FNDC3B: variants seen among roughly 807,000 people sequenced by gnomAD.
FNDC3B encodes fibronectin type III domain-containing protein 3B.
Under a neutral mutation model 151.5 loss-of-function variants are expected in FNDC3B, and 12 were observed. The observed-to-expected ratio is 0.08, with a 90% CI of 0.05 to 0.13. FNDC3B has a LOEUF of 0.13. Ranked by LOEUF, FNDC3B falls within the 10% of genes least tolerant of loss-of-function variation. The pLI, the probability that FNDC3B is intolerant of heterozygous loss-of-function variation, is 1.00. For synonymous variants in FNDC3B, 528 were observed against 549.0 expected, an observed-to-expected ratio of 0.96 and a Z score of 0.54; for missense variants, 1,214 against 1,505.3, an observed-to-expected ratio of 0.81 and a Z score of 3.20.
chr3:172,145,916 C>T (rs1576906761), intron 3 of FNDC3B, among the ~76,000 whole-genome samples: 1 of 149,340 alleles, frequency 6.7e-6, no homozygotes, highest in Non-Finnish European at 1.5e-5. Flanking sequence ...CGGGTTTAAG[C>T]GATTCTCCTG....
chr3:172,209,220 C>T (rs973051457), intron 3 of FNDC3B, among the ~76,000 whole-genome samples: 1 of 152,192 alleles, frequency 6.6e-6, no homozygotes, highest in East Asian at 1.9e-4. Flanking sequence ...ACCACCACTG[C>T]TTCCTGTTGC....
chr3:172,109,251 C>T (rs926641418), intron 1 of FNDC3B, among the ~76,000 whole-genome samples: 1 of 151,024 alleles, frequency 6.6e-6, no homozygotes, highest in Non-Finnish European at 1.5e-5. Flanking sequence ...CTGCAAGCTC[C>T]GCCTCCCGGG....
intron 3 of FNDC3B, among the ~76,000 whole-genome samples, chr3:172,167,523 A>G (rs1427769055): frequency 6.6e-6 from 1 of 152,232 alleles, no homozygotes; most frequent in Non-Finnish European, 1.5e-5. Context: ...GCCTAAGATA[A>G]CATCGCTAGT....
chr3:172,093,554 G>A (rs775355936), intron 1 of FNDC3B, among the ~76,000 whole-genome samples: 8 of 152,006 alleles, frequency 5.3e-5, no homozygotes, highest in Non-Finnish European at 1.2e-4. Context: ...CACCGCGCCC[G>A]GCCCCATCTA....
intron 1 of FNDC3B, among the ~76,000 whole-genome samples, chr3:172,041,768 G>C (rs1716089074): frequency 6.6e-6 from 1 of 152,160 alleles, no homozygotes; most frequent in African/African-American, 2.4e-5. Flanking sequence ...GGGAGCGCTG[G>C]TTTTGTGCCT....
At chr3:172,393,086 A>G (rs1736098875) in intron 25 of FNDC3B, among the ~76,000 whole-genome samples, 1 of 152,034 alleles carries the variant, frequency 6.6e-6, no homozygotes, top group African/African-American at 2.4e-5. Flanking sequence ...TACAGGCATG[A>G]GCCACCATGC....
rs1022269022 is a variant in FNDC3B, at chr3:172,040,382, G to T, written c.-29+611G>T. ...TGCTCGCGGGGAGGGTCCCGAGCCC[G>T]CGCCGGCCTGGCCCCCCCGTCCCCG... On this transcript the variant is annotated intron_variant, in intron 1 of 25. Coordinates refer to ENST00000415807, the MANE Select transcript of FNDC3B (RefSeq NM_022763.4). The surrounding 1 kb of genome is among the most constrained non-coding windows in gnomAD (Gnocchi z 6.6). Among the ~76,000 whole-genome samples, 3 of 151,940 alleles carry T rather than the reference G, an allele frequency of 2.0e-5. No individual in the cohort carries two copies. The highest frequency in any genetic ancestry group is 4.4e-5 in the Non-Finnish European group (3 of 67,930).
intron 3 of FNDC3B, among the ~76,000 whole-genome samples, chr3:172,205,091 A>T (rs1384344024): frequency 6.6e-6 from 1 of 152,066 alleles, no homozygotes; most frequent in Non-Finnish European, 1.5e-5. Context: ...GTCAGTGAGA[A>T]CTCAGTATTT....
At chr3:172,385,946 C>T (rs1444457601) in intron 25 of FNDC3B, among the ~76,000 whole-genome samples, 2 of 152,118 alleles carry the variant, frequency 1.3e-5, no homozygotes, top group Non-Finnish European at 2.9e-5. Context: ...TCTAACTTTG[C>T]CTTGGTTCTA....
At chr3:172,364,973 T>C (rs531962093) in intron 23 of FNDC3B, among the ~76,000 whole-genome samples, 1 of 152,206 alleles carries the variant, frequency 6.6e-6, no homozygotes, top group Non-Finnish European at 1.5e-5. Flanking sequence ...TCATTCTATT[T>C]GTGAATAATT....
At chr3:172,119,029 G>T (rs764677445) in intron 2 of FNDC3B, among the ~76,000 whole-genome samples, 2 of 151,948 alleles carry the variant, frequency 1.3e-5, no homozygotes, top group Non-Finnish European at 2.9e-5. Flanking sequence ...AATTAGCCAG[G>T]CGTGGTGGTG....
At chr3:172,042,254 A>G (rs1021367505) in intron 1 of FNDC3B, among the ~76,000 whole-genome samples, 17 of 152,340 alleles carry the variant, frequency 1.1e-4, no homozygotes, top group African/African-American at 4.1e-4. Flanking sequence ...GATGGGTTAT[A>G]TTGGAGAGCC....
chr3:172,178,083 A>G (rs1445359519), intron 3 of FNDC3B, among the ~76,000 whole-genome samples: 1 of 152,106 alleles, frequency 6.6e-6, no homozygotes, highest in Non-Finnish European at 1.5e-5. Context: ...CCACATTTAG[A>G]AAGGAACTTT....
intron 7 of FNDC3B, among the ~76,000 whole-genome samples, chr3:172,287,457 G>T (rs1351426736): frequency 6.6e-6 from 1 of 152,206 alleles, no homozygotes; most frequent in Non-Finnish European, 1.5e-5. Context: ...AGGATTGGAT[G>T]ATAGCTTTGC....
intron 2 of FNDC3B, among the ~76,000 whole-genome samples, chr3:172,119,068 G>A (rs923766960): frequency 2.6e-5 from 4 of 151,660 alleles, no homozygotes; most frequent in African/African-American, 9.7e-5. Context: ...TACTTGGGAG[G>A]CTGAGACAGG....
At chr3:172,220,827 C>T (rs1726242246) in intron 3 of FNDC3B, among the ~76,000 whole-genome samples, 1 of 152,094 alleles carries the variant, frequency 6.6e-6, no homozygotes, top group South Asian at 2.1e-4. Context: ...GGTGTGGTGG[C>T]TCATGCCTGT....
chr3:172,336,343 T>C (rs1314092454), intron 15 of FNDC3B, among the ~76,000 whole-genome samples: 1 of 152,144 alleles, frequency 6.6e-6, no homozygotes, highest in Admixed American at 6.5e-5. Flanking sequence ...TAAAATTCCT[T>C]TAGGCACAGA....
chr3:172,349,409 T>C (rs1341927742), intron 21 of FNDC3B, among the ~76,000 whole-genome samples: 1 of 152,264 alleles, frequency 6.6e-6, no homozygotes, highest in African/African-American at 2.4e-5. Flanking sequence ...ACCAACGTAA[T>C]TCCATTCATA....
intron 7 of FNDC3B, among the ~76,000 whole-genome samples, chr3:172,286,305 C>CTA (rs1730016841): frequency 6.7e-6 from 1 of 149,558 alleles, no homozygotes; most frequent in Non-Finnish European, 1.5e-5. Flanking sequence ...TTTTTTTTAA[C>CTA]CATATAAATG....
Sources: gnomAD v4.1 joint callset for allele counts (sites outside exome capture counted in the v4.1 genomes callset) on GRCh38, gnomAD v4.1.1 for gene constraint, Gnocchi (gnomAD v3.1) non-coding constraint, MANE v1.5 for transcripts, NCBI Gene and HGNC (gene_info 2026-07-23, HGNC 2026-07-21) for gene names.